The following USP31 variants were observed in gnomAD, a reference collection of about 807,000 sequenced individuals.
USP31 encodes the protein ubiquitin carboxyl-terminal hydrolase 31.
In USP31, 44 loss-of-function variants were observed where a neutral mutation model predicts 119.4. The ratio of observed to expected loss-of-function variants is 0.37; its 90% CI spans 0.29 to 0.47. USP31 has a LOEUF of 0.47. Ranked by LOEUF, USP31 falls within the 20% of genes least tolerant of loss-of-function variation. The pLI is 0.99. For missense variants in USP31, 1,643 were observed against 1,730.2 expected, an observed-to-expected ratio of 0.95 and a Z score of 0.89; for synonymous variants, 749 against 705.6, an observed-to-expected ratio of 1.06 and a Z score of -0.97.
At position 23,067,955 on chromosome 16, in the gene USP31, C is replaced by G; in HGVS notation, c.*91G>C. 1.3e-6 allele frequency: 2 copies of G among 1,494,452 alleles called. No homozygotes were observed. The highest frequency in any genetic ancestry group is 2.7e-5 in the South Asian group (2 of 73,354). The allele number at this position is 1,494,452 out of a possible 1,614,324, so 92.6% of individuals were successfully genotyped here. A position where few individuals can be genotyped will look rare whatever the true frequency, so the allele number is the denominator to read the frequency against. On this transcript the variant is annotated 3_prime_UTR_variant, in exon 16 of 16. Coordinates refer to ENST00000219689, the MANE Select transcript of USP31 (RefSeq NM_020718.4). ...GTCGGGCACGTGACTCAAAAAAGTA[C>G]AAAACAAAAGCACAGGAGGCTTTGG...
chr16:23,104,063 T>C (rs1858799), intron 5 of USP31, among the ~76,000 whole-genome samples: 41,585 of 152,158 alleles, frequency 0.27, 6,122 homozygotes, highest in Admixed American at 0.35. Context: ...ATGCAGGTTC[T>C]GGTCCGGCCT....
intron 14 of USP31, among the ~76,000 whole-genome samples, chr16:23,073,465 C>G (rs1567225344): frequency 6.6e-6 from 1 of 152,164 alleles, no homozygotes; most frequent in African/African-American, 2.4e-5. Flanking sequence ...CATTTATCCA[C>G]AAGAACACAT....
chr16:23,097,912 C>A (rs1209169609), intron 6 of USP31, among the ~76,000 whole-genome samples: 1 of 152,166 alleles, frequency 6.6e-6, no homozygotes, highest in Non-Finnish European at 1.5e-5. Context: ...AAAACTGGCA[C>A]AAGACAAGGA....
rs983876040 is a variant in USP31, at chr16:23,062,218, T to G, written c.*5828A>C. ...AAACCATCAGATTACTTCGAAGGTG[T>G]TGTAGTGCATTCAGCTCACCACAGA... is the stretch of plus-strand genomic sequence containing the variant. On this transcript the variant is annotated 3_prime_UTR_variant, in exon 16 of 16. Transcript: ENST00000219689. 1 of 152,466 alleles carries G rather than the reference T, an allele frequency of 6.6e-6. No individual in the cohort carries two copies. The highest frequency in any genetic ancestry group is 2.4e-5 in the African/African-American group (1 of 41,464). 9.4% of individuals were successfully genotyped at this position (152,466 alleles called of 1,614,324 possible). A position where few individuals can be genotyped will look rare whatever the true frequency, so the allele number is the denominator to read the frequency against.
chr16:23,149,132 C>A lies in USP31; in HGVS notation c.139G>T (p.Ala47Ser). The change falls in exon 1 of 16, where the codon GCC (alanine) becomes TCC (serine). Residue 47 changes from alanine (A) to serine (S), a missense_variant. By Grantham distance (99) the Ala-to-Ser change is moderately conservative (BLOSUM62 1). Around this residue, in one of 5 missense-constraint regions of USP31, gnomAD observed 302 missense variants for 262.6 expected, o/e 1.15. Transcript: ENST00000219689. ...GGCGAGGAGGGCGAGGAAGGCGCGGCCGGCCCGGACGCCCCGGGGCCCCCC... is the reference window on the plus strand; with the variant it reads ...GGCGAGGAGGGCGAGGAAGGCGCGGACGGCCCGGACGCCCCGGGGCCCCCC... ...GAGGPGASGP[A>S]APSSPSSPSS... The A allele has an allele frequency of 8.0e-7, 1 of 1,246,712 alleles. No homozygotes were observed. The highest frequency in any genetic ancestry group is 2.2e-5 in the South Asian group (1 of 44,914). The allele number at this position is 1,246,712 out of a possible 1,614,324, so 77.2% of individuals were successfully genotyped here. A position where few individuals can be genotyped will look rare whatever the true frequency, so the allele number is the denominator to read the frequency against.
chr16:23,084,737 G>T, intron 11 of USP31, 123 bp downstream of exon 11: 1 of 1,325,886 alleles, frequency 7.5e-7, no homozygotes, highest in African/African-American at 1.5e-5. Context: ...TACATGTGCA[G>T]ACTTACATAT....
At chr16:23,115,978 T>C (rs752072582) in intron 1 of USP31, among the ~76,000 whole-genome samples, 3 of 152,152 alleles carry the variant, frequency 2.0e-5, no homozygotes, top group Non-Finnish European at 4.4e-5. Flanking sequence ...CAAGACATCC[T>C]TCACCTAACC....
At chr16:23,128,733 T>A in intron 1 of USP31, among the ~76,000 whole-genome samples, 1 of 152,154 alleles carries the variant, frequency 6.6e-6, no homozygotes, top group East Asian at 1.9e-4. Flanking sequence ...CCACAAGAGA[T>A]AAAACCAAAC....
At chr16:23,081,079 G>A (rs1385032580) in intron 12 of USP31, among the ~76,000 whole-genome samples, 3 of 152,310 alleles carry the variant, frequency 2.0e-5, no homozygotes, top group Middle Eastern at 3.4e-3. Flanking sequence ...GAACCAGCAC[G>A]CTGTCTGACA....
chr16:23,072,595 GAA>G (rs1900392760), intron 14 of USP31: 4 of 497,396 alleles, frequency 8.0e-6, no homozygotes, highest in East Asian at 6.2e-5. Flanking sequence ...TACACAAAGA[GAA>G]GAGAGGATGC....
intron 5 of USP31, among the ~76,000 whole-genome samples, chr16:23,103,347 T>G (rs926037273): frequency 6.6e-6 from 1 of 152,042 alleles, no homozygotes; most frequent in Admixed American, 6.6e-5. Context: ...ACTAGTTAAA[T>G]GTAGTATAGC....
intron 10 of USP31, 41 bp from the exon 11 acceptor site, chr16:23,085,030 C>A: frequency 6.2e-7 from 1 of 1,602,352 alleles, no homozygotes; most frequent in East Asian, 2.3e-5. Flanking sequence ...GAATGTCTTG[C>A]AAAACAGAAG....
In USP31 at chr16:23,082,500, T is replaced by C. The variant is rs756700242; in HGVS notation, c.1888A>G (p.Ile630Val). 6.2e-7 allele frequency: 1 copy of C among 1,614,232 alleles called. No homozygotes were observed. Among genetic ancestry groups the C allele is most frequent in the Non-Finnish European group, 8.5e-7 (1 of 1,180,058 alleles). ...GGCAGAGTCCAGAGGCTTAACGTAA[T>C]GCTTCCCTGCTGCAGCTGCTTACAG... ...PHCKQLQQGS[I>V]TLSLWTLPDV... is the part of the protein sequence containing the mutation. The change falls in exon 12 of 16, where the codon ATT (isoleucine) becomes GTT (valine). Residue 630 changes from isoleucine to valine, a missense_variant. Ile to Val is a conservative substitution (Grantham distance 29, BLOSUM62 3). Transcript: ENST00000219689.
chr16:23,103,591 T>A (rs1901972330), intron 5 of USP31, among the ~76,000 whole-genome samples: 1 of 152,202 alleles, frequency 6.6e-6, no homozygotes, highest in Non-Finnish European at 1.5e-5. Flanking sequence ...CTCTTTCTGT[T>A]ATATTTCTGA....
At chr16:23,074,092 G>A (rs950099702) in intron 13 of USP31, 2 of 575,112 alleles carry the variant, frequency 3.5e-6, no homozygotes, top group Admixed American at 2.8e-5. Context: ...CCAAGTAGAT[G>A]CAGTTCCAGT....
At chr16:23,094,401 T>A (rs1431234801) in intron 6 of USP31, among the ~76,000 whole-genome samples, 2 of 152,104 alleles carry the variant, frequency 1.3e-5, no homozygotes, top group Non-Finnish European at 2.9e-5. Flanking sequence ...CTCTATAGAC[T>A]CCACCTCTGT....
chr16:23,105,337 A>G (rs912705138), intron 5 of USP31, 104 bp downstream of exon 5: 31 of 1,350,298 alleles, frequency 2.3e-5, no homozygotes, highest in Non-Finnish European at 2.9e-5. Flanking sequence ...CTGGTTTTAA[A>G]TCTCTATCCA....
chr16:23,114,974 GA>G, intron 1 of USP31, among the ~76,000 whole-genome samples: 1 of 152,202 alleles, frequency 6.6e-6, no homozygotes, highest in East Asian at 1.9e-4. Context: ...ATGTATCACA[GA>G]AAAAAGAAAA....
chr16:23,102,382 C>A lies in USP31; in HGVS notation c.1171G>T (p.Asp391Tyr). ...TDDLETVHES[D>Y]CIFAFETPEI... The stretch of plus-strand genomic sequence containing the variant: ...GGAGTCTCAAAGGCAAAAATGCAGT[C>A]GCTTTCATGGACTGTTTCCAGGTCG... Residue 391 changes from aspartate (D) to tyrosine (Y), a missense_variant, in exon 6 of 16, where the codon GAC (aspartate) becomes TAC (tyrosine). Physicochemically the swap from Asp to Tyr is radical, Grantham distance 160. Transcript: ENST00000219689. The A allele has an allele frequency of 6.2e-7, 1 of 1,613,968 alleles. No individual in the cohort carries two copies. The highest frequency in any genetic ancestry group is 8.5e-7 in the Non-Finnish European group (1 of 1,179,910).
Sources: gnomAD v4.1 joint callset for allele counts (sites outside exome capture counted in the v4.1 genomes callset) on GRCh38, gnomAD v4.1.1 for gene constraint, gnomAD v4.1.1 regional missense constraint, MANE v1.5 for transcripts, NCBI Gene and HGNC (gene_info 2026-07-23, HGNC 2026-07-21) for gene names.